Variants in LOXL2 observed in about 807,000 individuals in gnomAD.
LOXL2 encodes lysyl oxidase like 2, also known as lysyl oxidase homolog 2.
A neutral mutation model predicts 93.0 loss-of-function variants in LOXL2; 70 were observed. That is an observed-to-expected ratio of 0.75 (90% CI 0.62 to 0.92). The LOEUF is 0.92. Ranked by LOEUF, LOXL2 falls within the 40% of genes least tolerant of loss-of-function variation. The pLI is 0.00. For missense variants in LOXL2, 973 were observed against 1,054.9 expected, an observed-to-expected ratio of 0.92 and a Z score of 1.08; for synonymous variants, 438 against 413.2, an observed-to-expected ratio of 1.06 and a Z score of -0.73.
chr8:23,345,739 T>G (rs1437233596), intron 3 of LOXL2, among the ~76,000 whole-genome samples: 3 of 152,202 alleles, frequency 2.0e-5, no homozygotes, highest in South Asian at 4.1e-4. Context: ...TTTTTTTTCT[T>G]TTTTAAATGA....
intron 1 of LOXL2, among the ~76,000 whole-genome samples, chr8:23,384,047 C>T (rs190601370): frequency 6.6e-6 from 1 of 152,186 alleles, no homozygotes; most frequent in African/African-American, 2.4e-5. Flanking sequence ...TTGGACCTGA[C>T]CCGTGCCCTT....
intron 13 of LOXL2, 62 bp downstream of exon 13, chr8:23,298,774 G>A: frequency 9.9e-7 from 1 of 1,007,272 alleles, no homozygotes; most frequent in Non-Finnish European, 1.6e-6. Context: ...GCTGCCTCTG[G>A]GTCCTTGAGA....
chr8:23,299,825 C>T (rs952733330), intron 12 of LOXL2, among the ~76,000 whole-genome samples: 5 of 152,214 alleles, frequency 3.3e-5, no homozygotes, highest in Admixed American at 6.5e-5. Flanking sequence ...GGCCTGGACA[C>T]GAACCTTTAG....
At chr8:23,334,016 T>C (rs1803749258) in intron 4 of LOXL2, among the ~76,000 whole-genome samples, 1 of 152,074 alleles carries the variant, frequency 6.6e-6, no homozygotes, top group African/African-American at 2.4e-5. Context: ...TTACCCTAAC[T>C]CTTCAGATAA....
intron 1 of LOXL2, among the ~76,000 whole-genome samples, chr8:23,401,392 T>C (rs1366276392): frequency 1.4e-5 from 2 of 147,494 alleles, no homozygotes; most frequent in Non-Finnish European, 3.0e-5. Context: ...ATACCAAATA[T>C]TTTTTTTTTA....
At chr8:23,388,620 TACTCAC>T (rs1172775893) in intron 1 of LOXL2, among the ~76,000 whole-genome samples, 75 of 70,610 alleles carry the variant, frequency 1.1e-3, no homozygotes, top group African/African-American at 1.6e-3. Context: ...GCAAAAAATA[TACTCAC>T]ACACACACAC....
At chr8:23,317,231 T>G in intron 8 of LOXL2, 117 bp from the exon 9 acceptor site, 1 of 1,171,900 alleles carries the variant, frequency 8.5e-7, no homozygotes, top group South Asian at 1.3e-5. Flanking sequence ...ATTTTTCAGA[T>G]CGAAACAGCA....
chr8:23,319,835 G>A (rs1803465186), intron 8 of LOXL2, 50 bp downstream of exon 8: 5 of 1,585,474 alleles, frequency 3.2e-6, no homozygotes, highest in East Asian at 2.2e-5. Context: ...AGACAGTGTG[G>A]TCAGACTGCA....
At chr8:23,348,107 G>A (rs1426032951) in intron 3 of LOXL2, among the ~76,000 whole-genome samples, 3 of 152,096 alleles carry the variant, frequency 2.0e-5, no homozygotes, top group Non-Finnish European at 4.4e-5. Context: ...TCCTTTGCAG[G>A]GACATGGATG....
chr8:23,343,233 A>C (rs1803914236), intron 3 of LOXL2, among the ~76,000 whole-genome samples: 1 of 152,206 alleles, frequency 6.6e-6, no homozygotes, highest in African/African-American at 2.4e-5. Flanking sequence ...TATAATAGCA[A>C]CAGCTACCGC....
intron 6 of LOXL2, among the ~76,000 whole-genome samples, chr8:23,323,668 TTATAA>T (rs1248266661): frequency 3.5e-5 from 5 of 143,614 alleles, no homozygotes; most frequent in Non-Finnish European, 7.4e-5. Context: ...GGCCAATTAA[TTATAA>T]TATGTGTTTT....
chr8:23,317,886 G>C (rs1803427482), intron 8 of LOXL2, among the ~76,000 whole-genome samples: 1 of 127,668 alleles, frequency 7.8e-6, no homozygotes, highest in Admixed American at 8.2e-5. Context: ...GGCTGAGGCA[G>C]GATTAGAGCT....
intron 4 of LOXL2, among the ~76,000 whole-genome samples, chr8:23,339,500 A>G (rs1803846263): frequency 6.6e-6 from 1 of 152,140 alleles, no homozygotes; most frequent in Admixed American, 6.5e-5. Flanking sequence ...AACTCCTCAA[A>G]AGCCGAGAAG....
At chr8:23,385,864 GTTC>G (rs1017472646) in intron 1 of LOXL2, 6 of 720,934 alleles carry the variant, frequency 8.3e-6, no homozygotes, top group African/African-American at 3.5e-5. Context: ...GATGTTTTGC[GTTC>G]TTTTTTCTTT....
intron 4 of LOXL2, among the ~76,000 whole-genome samples, chr8:23,335,563 G>T (rs998140477): frequency 2.0e-5 from 3 of 152,288 alleles, no homozygotes; most frequent in Middle Eastern, 3.4e-3. Flanking sequence ...TTTAAATTGG[G>T]CCCTGAATGA....
chr8:23,308,412 GC>G (rs1377669941), intron 10 of LOXL2, among the ~76,000 whole-genome samples: 1 of 152,228 alleles, frequency 6.6e-6, no homozygotes, highest in Non-Finnish European at 1.5e-5. Flanking sequence ...GGGATGTGGT[GC>G]AAAGGCCAGG....
intron 3 of LOXL2, among the ~76,000 whole-genome samples, chr8:23,351,910 C>T (rs1804099986): frequency 1.3e-5 from 2 of 152,166 alleles, no homozygotes; most frequent in Admixed American, 6.5e-5. Flanking sequence ...GCTGCAACCT[C>T]TACCTCCTGG....
chr8:23,302,192 A>G (rs777888125), intron 11 of LOXL2, 29 bp from the exon 12 acceptor site: 27 of 1,610,668 alleles, frequency 1.7e-5, no homozygotes, highest in Non-Finnish European at 2.0e-5. Context: ...AGAGCTCATC[A>G]CCAGGGAACC....
At chr8:23,394,044 C>T (rs1211972753) in intron 1 of LOXL2, among the ~76,000 whole-genome samples, 1 of 152,124 alleles carries the variant, frequency 6.6e-6, no homozygotes. Context: ...CATATATCTG[C>T]AATGGTCTAG....
Sources: allele counts gnomAD v4.1 joint callset (sites outside exome capture counted in the v4.1 genomes callset), GRCh38; gene constraint gnomAD v4.1.1; transcripts MANE v1.5; gene names NCBI Gene and HGNC (gene_info 2026-07-23, HGNC 2026-07-21).